The following PARP10 variants were observed in gnomAD, a reference collection of about 807,000 sequenced individuals.
PARP10 encodes the protein protein mono-ADP-ribosyltransferase PARP10.
PARP10 carries 56 observed loss-of-function variants against 82.4 expected under a neutral mutation model. The ratio of observed to expected loss-of-function variants is 0.68; its 90% CI spans 0.55 to 0.85. The LOEUF is 0.85. Among genes scored for constraint, PARP10 ranks in the 40% least tolerant of loss-of-function variants. The probability of loss-of-function intolerance (pLI) is 0.00; values close to 1 mark genes in which losing one functional copy is unlikely to be tolerated. For synonymous variants in PARP10, 576 were observed against 601.1 expected (o/e 0.96, Z 0.61); for missense variants, 1,227 against 1,379.4 (o/e 0.89, Z 1.75).
chr8:143,996,022 G>A (rs782228551), upstream of PARP10, among the ~76,000 whole-genome samples: 12 of 152,142 alleles, frequency 7.9e-5, no homozygotes, highest in Non-Finnish European at 1.3e-4. Context: ...CACCAATCCA[G>A]AGCAGAGTCC....
chr8:143,990,890 G>A (rs1564256919), upstream of PARP10: 1 of 173,176 alleles, frequency 5.8e-6, no homozygotes, highest in Admixed American at 6.3e-5. The surrounding 1 kb of genome is among the most constrained non-coding windows in gnomAD (Gnocchi z 5.6). Flanking sequence ...CGGCAGCGGC[G>A]CAGGCCTCCG....
intron 1 of PARP10, among the ~76,000 whole-genome samples, chr8:144,003,033 C>T (rs1183180040): frequency 1.3e-5 from 2 of 152,110 alleles, no homozygotes; most frequent in African/African-American, 4.8e-5. Flanking sequence ...CAATGCAGGA[C>T]AATCGATTTT....
At position 143,985,195 on chromosome 8, in the gene PARP10, C is replaced by A; in HGVS notation, c.807G>T (p.Gly269=). Residue 269 remains glycine (G), a synonymous_variant, in exon 5 of 11, where the codon GGG becomes GGT. Coordinates refer to ENST00000313028, the MANE Select transcript of PARP10 (RefSeq NM_032789.5). ...GGAGAGCATGCTTGGTAGCCCTAGG[C>A]CCCTGGGTGGACGGGTGGTCCCCTC... ...TSGGDHPSTQ[G]PRATKHALLR... is the part of the protein sequence containing the mutation. 6.2e-7 allele frequency: 1 copy of A among 1,614,140 alleles called. No individual in the cohort carries two copies. The highest frequency in any genetic ancestry group is 8.5e-7 in the Non-Finnish European group (1 of 1,180,034).
chr8:143,986,489 G>C, upstream of PARP10: 1 of 1,478,878 alleles, frequency 6.8e-7, no homozygotes, highest in South Asian at 1.2e-5. Context: ...GAGGGAGGGA[G>C]CAGCTGGGCC....
At chr8:144,001,257 G>A (rs1004811048) in intron 1 of PARP10, among the ~76,000 whole-genome samples, 1 of 151,864 alleles carries the variant, frequency 6.6e-6, no homozygotes, top group African/African-American at 2.4e-5. Flanking sequence ...TATTGCCCAG[G>A]CTGGAGTGCA....
upstream of PARP10, chr8:143,991,894 C>T (rs782346239): frequency 1.9e-6 from 3 of 1,611,754 alleles, no homozygotes; most frequent in East Asian, 4.5e-5. Context: ...CTAGTGCTGA[C>T]CTTGCAGCTG....
At chr8:143,997,726 C>T (rs1834173326) in intron 1 of PARP10, among the ~76,000 whole-genome samples, 1 of 151,976 alleles carries the variant, frequency 6.6e-6, no homozygotes. Flanking sequence ...CTTTTTTTTC[C>T]CAGCAGTAAC....
At chr8:143,995,995 C>T (rs551165276), upstream of PARP10, among the ~76,000 whole-genome samples, 17 of 152,284 alleles carry the variant, frequency 1.1e-4, no homozygotes, top group South Asian at 4.1e-4. Context: ...TGCAGAATGA[C>T]GCCTGCTTCC....
At position 143,984,400 on chromosome 8, in the gene PARP10, G is replaced by A; in HGVS notation, c.1490C>T (p.Ala497Val). The A allele has an allele frequency of 6.2e-7, 1 of 1,611,470 alleles. No individual in the cohort carries two copies. The highest frequency in any genetic ancestry group is 2.2e-5 in the East Asian group (1 of 44,840). The change falls in exon 6 of 11, where the codon GCT (alanine) becomes GTT (valine). Residue 497 changes from alanine to valine, a missense_variant. By Grantham distance (64) the Ala-to-Val change is moderately conservative (BLOSUM62 0). Transcript: ENST00000313028. ...CAGCAGGCTCCGCAGAAACTCCTCA[G>A]CCGCCTGGCAGGAAGCCTGGGCTCC... ...LCGAQASCQA[A>V]EEFLRSLLGS...
chr8:143,983,188 A>C lies in PARP10; in HGVS notation c.2401T>G (p.Leu801Val), dbSNP rs782383017. The C allele has an allele frequency of 1.1e-5, 18 of 1,613,560 alleles. No homozygotes were observed. In the Middle Eastern group the frequency reaches 6.6e-4, roughly 59 times the overall value. The change falls in exon 8 of 11, where the codon TTG becomes GTG. Residue 801 changes from leucine (L) to valine (V), a missense_variant. Physicochemically the swap from Leu to Val is conservative, Grantham distance 32. Coordinates refer to ENST00000313028, the MANE Select transcript of PARP10 (RefSeq NM_032789.5). ...TCACAGGTAGGGCCTGAAGCTGCCAAGGGAAAGGCCAAACTCTGATCCCAG... is the reference window on the plus strand; with the variant it reads ...TCACAGGTAGGGCCTGAAGCTGCCACGGGAAAGGCCAAACTCTGATCCCAG... ...GPWDQSLAFP[L>V]AASGPTLAGQ...
chr8:143,985,338 A>T lies in PARP10; in HGVS notation c.674-10T>A. On this transcript the variant is annotated splice_polypyrimidine_tract_variant and intron_variant, in intron 4 of 10. Transcript: ENST00000313028. ...AACACTCGTTCTGCCACTTGGAGGA[A>T]GGGAAAGGACAGAAAGCCTGTCAGA... 1 of 1,599,242 alleles carries T rather than the reference A, an allele frequency of 6.3e-7. No individual in the cohort carries two copies. Among genetic ancestry groups the T allele is most frequent in the Non-Finnish European group, 8.5e-7 (1 of 1,172,166 alleles).
upstream of PARP10, chr8:143,992,897 C>T: frequency 2.0e-6 from 3 of 1,520,360 alleles, no homozygotes; most frequent in East Asian, 2.3e-5. Flanking sequence ...GGACCCTGCC[C>T]CTGGCACGGC....
rs756281112 is a variant in PARP10 at position 143,977,173 on chromosome 8, C to G, written c.*311G>C. On this transcript the variant is annotated 3_prime_UTR_variant, in exon 11 of 11. Transcript: ENST00000313028. ...GCAGTCAGAGTTCCCGGGTCCCTTC[C>G]GCCTGGGTTCACGTTCACGTTTATT... The G allele has an allele frequency of 1.1e-4, 42 of 373,672 alleles. No homozygotes were observed. The highest frequency in any genetic ancestry group is 9.2e-5 in the Non-Finnish European group (19 of 207,604). The allele number at this position is 373,672 out of a possible 1,614,324, so 23.1% of individuals were successfully genotyped here.
chr8:143,978,027 G>T lies in PARP10; in HGVS notation c.2611C>A (p.Arg871Ser). The T allele has an allele frequency of 2.5e-6, 4 of 1,582,108 alleles. No individual in the cohort carries two copies. Among genetic ancestry groups the T allele is most frequent in the Non-Finnish European group, 3.4e-6 (4 of 1,170,716 alleles). Residue 871 changes from arginine to serine, a missense_variant, in exon 10 of 11, where the codon CGC (arginine) becomes AGC (serine). Physicochemically the swap from Arg to Ser is moderately radical, Grantham distance 110. Transcript: ENST00000313028. Reference protein sequence around the residue: ...LQQQYELYRERLLQRCERRPV... With the variant: ...LQQQYELYRESLLQRCERRPV... The stretch of plus-strand genomic sequence containing the variant: ...CGCCGCTCGCATCGCTGCAGCAGGC[G>T]CTCCCGGTACAGCTCATACTGCTGC...
chr8:143,986,272 T>A (rs782807296), intron 1 of PARP10, 39 bp from the exon 2 acceptor site: 2 of 1,613,258 alleles, frequency 1.2e-6, no homozygotes, highest in Non-Finnish European at 8.5e-7. Flanking sequence ...AACAGCCCAT[T>A]CCACCCCTCC....
At chr8:143,993,007 A>C, upstream of PARP10, 1 of 621,840 alleles carries the variant, frequency 1.6e-6, no homozygotes, top group Middle Eastern at 3.7e-4. Flanking sequence ...AGATACTTCC[A>C]TTTGGACCCG....
Position 143,986,119 on chromosome 8 carries a change from C to T in PARP10, c.117G>A (p.Gly39=), listed in dbSNP as rs1206154184. The stretch of plus-strand genomic sequence containing the variant: ...GTCTCTGCCAGCTCAACACAGGTCC[C>T]CCTCCAGAGCGTCGGCGGTTTTCAA... ...LYFENRRRSG[G]GPVLSWQRLG... The change falls in exon 2 of 11, where the codon GGG becomes GGA. Residue 39 remains glycine, a synonymous_variant. Transcript: ENST00000313028. The T allele has an allele frequency of 1.9e-6, 3 of 1,614,026 alleles. No homozygotes were observed. The highest frequency in any genetic ancestry group is 2.5e-6 in the Non-Finnish European group (3 of 1,180,026).
intron 1 of PARP10, among the ~76,000 whole-genome samples, chr8:144,010,169 C>T (rs972200147): frequency 6.6e-6 from 1 of 152,240 alleles, no homozygotes; most frequent in Non-Finnish European, 1.5e-5. Flanking sequence ...TACCCTCTCC[C>T]AGCACCAGTG....
chr8:144,004,013 C>T (rs1212348442), intron 1 of PARP10, among the ~76,000 whole-genome samples: 2 of 151,762 alleles, frequency 1.3e-5, no homozygotes, highest in African/African-American at 4.8e-5. Flanking sequence ...CCAGCCTGGG[C>T]AACAACAACA....
Sources: allele counts gnomAD v4.1 joint callset (sites outside exome capture counted in the v4.1 genomes callset), GRCh38; gene constraint gnomAD v4.1.1; non-coding constraint Gnocchi (gnomAD v3.1); transcripts MANE v1.5; gene names NCBI Gene and HGNC (gene_info 2026-07-23, HGNC 2026-07-21).